Variants in ATE1 observed in about 807,000 individuals in gnomAD.
ATE1 encodes the protein arginyltransferase 1.
ATE1 carries 36 observed loss-of-function variants against 70.5 expected under a neutral mutation model. The ratio of observed to expected loss-of-function variants is 0.51; its 90% CI spans 0.39 to 0.67. The LOEUF (loss-of-function observed/expected upper bound fraction) is 0.67. Ranked by LOEUF, ATE1 falls within the 30% of genes least tolerant of loss-of-function variation. The pLI, the probability that ATE1 is intolerant of heterozygous loss-of-function variation, is 0.00. For synonymous variants in ATE1, 232 were observed against 219.3 expected (o/e 1.06, Z -0.51); for missense variants, 593 against 629.5 (o/e 0.94, Z 0.62).
intron 3 of ATE1, among the ~76,000 whole-genome samples, chr10:121,914,369 AT>A (rs35196045): frequency 0.35 from 52,369 of 147,798 alleles, 9,293 homozygotes; most frequent in Middle Eastern, 0.44. Context: ...CCAGCAAGAG[AT>A]TTTTTTTTTT....
chr10:121,860,638 A>G (rs557757418), intron 8 of ATE1, among the ~76,000 whole-genome samples: 7 of 152,364 alleles, frequency 4.6e-5, no homozygotes, highest in African/African-American at 1.2e-4. Context: ...TTGGACAGAA[A>G]TAAGAAATTT....
intron 9 of ATE1, among the ~76,000 whole-genome samples, chr10:121,840,750 A>G (rs1948598728): frequency 6.6e-6 from 1 of 150,852 alleles, no homozygotes; most frequent in African/African-American, 2.4e-5. Flanking sequence ...ATTTACTTAT[A>G]TATTACATAA....
intron 10 of ATE1, among the ~76,000 whole-genome samples, chr10:121,803,199 T>C (rs1014548154): frequency 6.6e-6 from 1 of 152,194 alleles, no homozygotes; most frequent in South Asian, 2.1e-4. Context: ...TTACGTTCCC[T>C]ATGCATATGA....
chr10:121,841,670 A>G (rs1948634178), intron 8 of ATE1, among the ~76,000 whole-genome samples: 1 of 152,208 alleles, frequency 6.6e-6, no homozygotes, highest in Non-Finnish European at 1.5e-5. Flanking sequence ...CCAGGAATGG[A>G]ACACCAAACA....
chr10:121,748,932 C>T (rs1944471406), intron 11 of ATE1, among the ~76,000 whole-genome samples: 1 of 152,128 alleles, frequency 6.6e-6, no homozygotes, highest in Admixed American at 6.5e-5. Context: ...TTTAATACTG[C>T]AAGTAATGTG....
chr10:121,928,115 G>A (rs1952182017), upstream of ATE1: 7 of 1,228,770 alleles, frequency 5.7e-6, no homozygotes, highest in Non-Finnish European at 7.1e-6. Context: ...AGCTGACGCC[G>A]CCCGCGCCAT....
At chr10:121,767,079 A>G (rs953222554) in intron 11 of ATE1, among the ~76,000 whole-genome samples, 7 of 152,206 alleles carry the variant, frequency 4.6e-5, no homozygotes, top group African/African-American at 1.7e-4. Context: ...ATTACACACC[A>G]TGACCAGCAG....
intron 7 of ATE1, among the ~76,000 whole-genome samples, chr10:121,873,888 T>C (rs1402077099): frequency 6.6e-6 from 1 of 151,972 alleles, no homozygotes; most frequent in Non-Finnish European, 1.5e-5. Context: ...TAAATAACAT[T>C]TTTTTTTCCT....
In ATE1 at chr10:121,810,923, G is replaced by A. The variant is rs191389917; in HGVS notation, c.1258-20634C>T. On this transcript the variant is annotated intron_variant, in intron 10 of 11. Transcript: ENST00000224652. ...TCACCATATTGGCCAGGCTGGTCTC[G>A]AACTCCTGACCTCGAGATCCACAAA... Among the ~76,000 whole-genome samples the A allele has an allele frequency of 3.2e-3, 479 of 152,046 alleles. 6 individuals are homozygous for A. Among genetic ancestry groups the A allele is most frequent in the African/African-American group, 0.011 (445 of 41,488 alleles).
chr10:121,889,227 A>G (rs936189888), intron 7 of ATE1, among the ~76,000 whole-genome samples: 3 of 152,312 alleles, frequency 2.0e-5, no homozygotes, highest in Admixed American at 6.5e-5. Flanking sequence ...TATATACGTT[A>G]TACTTCAATA....
At chr10:121,843,432 A>C (rs546397976) in intron 8 of ATE1, among the ~76,000 whole-genome samples, 11 of 152,228 alleles carry the variant, frequency 7.2e-5, no homozygotes, top group Non-Finnish European at 1.6e-4. Context: ...GCTATCAAAA[A>C]ACTGATTCTA....
upstream of ATE1, chr10:121,928,218 G>A (rs1223300026): frequency 9.0e-6 from 12 of 1,333,346 alleles, no homozygotes; most frequent in Non-Finnish European, 1.2e-5. Flanking sequence ...AGAGCGGGAA[G>A]GGAAACAGGA....
Position 121,876,737 on chromosome 10 carries a change from C to T in ATE1, c.943-6699G>A, listed in dbSNP as rs187506750. 7.1e-3 allele frequency among the ~76,000 whole-genome samples: 1,079 copies of T among 152,138 alleles called. 25 individuals are homozygous for T. The highest frequency in any genetic ancestry group is 0.025 in the African/African-American group (1,020 of 41,492). ...ATCCCAGCACTTTGGGAGGCCGAGG[C>T]GGGCGGATCACGATGTCAGCAGATC... On this transcript the variant is annotated intron_variant, in intron 7 of 11. Transcript: ENST00000224652.
At chr10:121,796,204 T>C (rs4752598) in intron 10 of ATE1, among the ~76,000 whole-genome samples, 141,115 of 152,144 alleles carry the variant, frequency 0.93, 65,761 homozygotes, top group Non-Finnish European at 0.97. Flanking sequence ...CAAAAGGAAA[T>C]CTTACCAAGC....
At chr10:121,834,811 A>T (rs1948374385) in intron 10 of ATE1, among the ~76,000 whole-genome samples, 1 of 152,214 alleles carries the variant, frequency 6.6e-6, no homozygotes, top group African/African-American at 2.4e-5. Flanking sequence ...ATGCTGTGAG[A>T]CTGGAACGGC....
chr10:121,878,355 G>A (rs1046608344), intron 7 of ATE1, among the ~76,000 whole-genome samples: 1 of 152,156 alleles, frequency 6.6e-6, no homozygotes, highest in Non-Finnish European at 1.5e-5. Context: ...CACTTTGGGA[G>A]GCTGAGGCGG....
At position 121,869,626 on chromosome 10, in the gene ATE1, T is replaced by C. The variant is rs189795657; in HGVS notation, c.975+380A>G. Among the ~76,000 whole-genome samples, 204 of 152,332 alleles carry C rather than the reference T, an allele frequency of 1.3e-3. 1 individual carries two copies. The highest frequency in any genetic ancestry group is 3.4e-3 in the Middle Eastern group (1 of 294). ...CTTCCTTGAAGACAGCCTTTGCCTC[T>C]GATTTTTCCAGCTCTCTTTTAATAC... On this transcript the variant is annotated intron_variant, in intron 8 of 11. Coordinates refer to ENST00000224652, the MANE Select transcript of ATE1 (RefSeq NM_001001976.3).
At chr10:121,771,679 C>T (rs2135882160) in intron 11 of ATE1, among the ~76,000 whole-genome samples, 1 of 152,240 alleles carries the variant, frequency 6.6e-6, no homozygotes, top group East Asian at 1.9e-4. Context: ...TTTATGCAAA[C>T]AAATTAGAGG....
chr10:121,910,865 C>G, intron 5 of ATE1, 41 bp downstream of exon 5: 1 of 1,611,526 alleles, frequency 6.2e-7, no homozygotes, highest in Non-Finnish European at 8.5e-7. Flanking sequence ...CAGCAAAAAG[C>G]AAAGCCGTGA....
Sources: gnomAD v4.1 joint callset for allele counts (sites outside exome capture counted in the v4.1 genomes callset) on GRCh38, gnomAD v4.1.1 for gene constraint, MANE v1.5 for transcripts, NCBI Gene and HGNC (gene_info 2026-07-23, HGNC 2026-07-21) for gene names.